Variants in ATAD2B observed in about 807,000 individuals in gnomAD.
ATAD2B encodes ATPase family AAA domain containing 2B, also known as ATPase family AAA domain-containing protein 2B.
In ATAD2B, 40 loss-of-function variants were observed where a neutral mutation model predicts 167.6. The ratio of observed to expected loss-of-function variants is 0.24; its 90% CI spans 0.19 to 0.31. The LOEUF (loss-of-function observed/expected upper bound fraction) is 0.31, where lower values mean the gene tolerates loss of function less well. ATAD2B is among the 10% of genes least tolerant of loss of function. ATAD2B has a pLI of 1.00. For missense variants in ATAD2B, 1,242 were observed against 1,757.2 expected (o/e 0.71, Z 5.24); for synonymous variants, 579 against 596.5 (o/e 0.97, Z 0.43).
chr2:23,758,118 GA>G lies in ATAD2B; in HGVS notation c.3395-18del. The G allele has an allele frequency of 1.3e-6, 2 of 1,513,628 alleles. No homozygotes were observed. Among genetic ancestry groups the G allele is most frequent in the Non-Finnish European group, 8.8e-7 (1 of 1,139,748 alleles). The allele number at this position is 1,513,628 out of a possible 1,614,324, so 93.8% of individuals were successfully genotyped here. On this transcript the variant is annotated intron_variant, in intron 24 of 27. Transcript: ENST00000238789. ...GAACCCGAACTGTTTTACAAGGAAG[GA>G]AAAAAGATATGTAGAACTTGGAATG...
At chr2:23,704,232 A>C in the ATAD2B span, among the ~76,000 whole-genome samples, 1 of 152,236 alleles carries the variant, frequency 6.6e-6, no homozygotes, top group Non-Finnish European at 1.5e-5. Flanking sequence ...CCCTACAGGG[A>C]CAAGTGACTT....
At chr2:23,918,670 T>C (rs1703437607) in intron 1 of ATAD2B, among the ~76,000 whole-genome samples, 1 of 152,142 alleles carries the variant, frequency 6.6e-6, no homozygotes, top group African/African-American at 2.4e-5. Flanking sequence ...AAAAGTTGTC[T>C]ATAAACAGTA....
chr2:23,840,272 C>T (rs1284112934), intron 13 of ATAD2B, among the ~76,000 whole-genome samples: 1 of 152,148 alleles, frequency 6.6e-6, no homozygotes, highest in African/African-American at 2.4e-5. Flanking sequence ...GGCCTTTATG[C>T]TCTTAACCTT....
chr2:23,697,495 A>G, the ATAD2B span: 1 of 152,564 alleles, frequency 6.6e-6, no homozygotes, highest in Non-Finnish European at 1.5e-5. Flanking sequence ...GCCATGTGTC[A>G]CCAGAAAGCA....
intron 15 of ATAD2B, chr2:23,827,682 C>T (rs575676578): frequency 6.5e-6 from 1 of 152,776 alleles, no homozygotes; most frequent in South Asian, 2.1e-4. Flanking sequence ...TAAAGCAGCA[C>T]AAGGCTTTGC....
intron 13 of ATAD2B, chr2:23,855,974 G>C (rs1339808033): frequency 6.6e-6 from 1 of 152,198 alleles, no homozygotes; most frequent in African/African-American, 2.4e-5. Flanking sequence ...GGATCACAAT[G>C]TCAGGAGTTC....
intron 20 of ATAD2B, among the ~76,000 whole-genome samples, chr2:23,787,797 G>A (rs2149411982): frequency 6.6e-6 from 1 of 152,146 alleles, no homozygotes; most frequent in South Asian, 2.1e-4. Context: ...AGAAGAGGCT[G>A]AAAGATTAAG....
At chr2:23,682,068 C>T in the ATAD2B span, among the ~76,000 whole-genome samples, 1 of 152,118 alleles carries the variant, frequency 6.6e-6, no homozygotes, top group African/African-American at 2.4e-5. This position sits in a 1 kb window ranked among gnomAD's most constrained non-coding sequence, Gnocchi z 4.1. Flanking sequence ...TCCTGATGTC[C>T]CACCACCATC....
the ATAD2B span, among the ~76,000 whole-genome samples, chr2:23,713,916 G>C: frequency 6.6e-6 from 1 of 152,142 alleles, no homozygotes; most frequent in African/African-American, 2.4e-5. Context: ...ACAAGGTTTT[G>C]AGATTAAATA....
intron 18 of ATAD2B, chr2:23,799,691 A>AT (rs1301342015): frequency 2.6e-5 from 4 of 151,974 alleles, no homozygotes; most frequent in African/African-American, 7.2e-5. Flanking sequence ...ACTTGCATAC[A>AT]TTTTTTAAAT....
At position 23,757,459 on chromosome 2, in the gene ATAD2B, C is replaced by A. The variant is rs1254792092; in HGVS notation, c.4037G>T (p.Gly1346Val). Residue 1346 changes from glycine (G) to valine (V), a missense_variant, in exon 25 of 28, where the codon GGC becomes GTC. Around this residue, in one of 9 missense-constraint regions of ATAD2B, gnomAD observed 282 missense variants for 346.8 expected, o/e 0.81. Transcript: ENST00000238789. Reference sequence around the variant, plus strand: ...TGCATCTTTAACCTCCACATCAGAGCCAGGTTCTAACTTCTCATTATTGCT... The same window carrying A: ...TGCATCTTTAACCTCCACATCAGAGACAGGTTCTAACTTCTCATTATTGCT... ...ECSNNEKLEPGSDVEVKDAEL... is the reference protein window; with the variant it reads ...ECSNNEKLEPVSDVEVKDAEL... The A allele has an allele frequency of 2.0e-6, 3 of 1,518,080 alleles. No homozygotes were observed. The highest frequency in any genetic ancestry group is 2.6e-6 in the Non-Finnish European group (3 of 1,138,720). The allele number at this position is 1,518,080 out of a possible 1,614,324, so 94.0% of individuals were successfully genotyped here.
At chr2:23,884,937 C>T in intron 5 of ATAD2B, 64 bp from the exon 6 acceptor site, 3 of 1,005,776 alleles carry the variant, frequency 3.0e-6, no homozygotes, top group Non-Finnish European at 1.4e-6. Context: ...AAAAAAACAA[C>T]CCAATGGGAC....
rs1474410858 is a variant in ATAD2B, at chr2:23,781,595, G to A, written c.3133+1274C>T. 2.6e-5 allele frequency among the ~76,000 whole-genome samples: 4 copies of A among 151,906 alleles called. No homozygotes were observed. The East Asian group carries it at 7.7e-4, about 29-fold the overall frequency. On this transcript the variant is annotated intron_variant, in intron 22 of 27. Transcript: ENST00000238789. Reference sequence around the variant, plus strand: ...CAGGAGAATCACTTGAACCCAGGAGGCGGAGGTTGCAGTAAGCTGAGATCA... The same window carrying A: ...CAGGAGAATCACTTGAACCCAGGAGACGGAGGTTGCAGTAAGCTGAGATCA...
chr2:23,892,318 C>G (rs1699629379), intron 2 of ATAD2B, among the ~76,000 whole-genome samples: 2 of 152,156 alleles, frequency 1.3e-5, no homozygotes, highest in African/African-American at 4.8e-5. Flanking sequence ...CACCCGCCAC[C>G]ACGCCTGGCT....
chr2:23,880,073 G>GAA (rs1697636477), intron 7 of ATAD2B, among the ~76,000 whole-genome samples: 1 of 143,846 alleles, frequency 7.0e-6, no homozygotes, highest in African/African-American at 2.6e-5. Context: ...AAAAAAAAAA[G>GAA]AGAGAGAGAG....
intron 19 of ATAD2B, among the ~76,000 whole-genome samples, chr2:23,797,364 T>C (rs763791596): frequency 6.6e-6 from 1 of 152,146 alleles, no homozygotes; most frequent in Non-Finnish European, 1.5e-5. Context: ...GAATCAACTA[T>C]GATTTTACCT....
intron 2 of ATAD2B, among the ~76,000 whole-genome samples, chr2:23,895,530 A>G (rs1230232086): frequency 6.6e-6 from 1 of 152,176 alleles, no homozygotes; most frequent in Non-Finnish European, 1.5e-5. Context: ...AACTCTGACC[A>G]TATGTTTTAT....
At chr2:23,851,812 T>C (rs906683668) in intron 13 of ATAD2B, among the ~76,000 whole-genome samples, 2 of 151,732 alleles carry the variant, frequency 1.3e-5, no homozygotes, top group African/African-American at 4.8e-5. Context: ...AAAAAGGTAG[T>C]ATAAAATTGG....
chr2:23,731,863 GCTA>G, the ATAD2B span, among the ~76,000 whole-genome samples: 1 of 151,904 alleles, frequency 6.6e-6, no homozygotes, highest in Admixed American at 6.6e-5. Flanking sequence ...TTTAGTCCTA[GCTA>G]CTCAGGAGGC....
Sources: allele counts gnomAD v4.1 joint callset (sites outside exome capture counted in the v4.1 genomes callset), GRCh38; gene constraint gnomAD v4.1.1; regional missense constraint gnomAD v4.1.1; non-coding constraint Gnocchi (gnomAD v3.1); transcripts MANE v1.5; gene names NCBI Gene and HGNC (gene_info 2026-07-23, HGNC 2026-07-21).